The following MYO3A variants were observed in gnomAD, a reference collection of about 807,000 sequenced individuals.
MYO3A encodes myosin IIIA.
MYO3A carries 180 observed loss-of-function variants against 192.7 expected under a neutral mutation model. That is an observed-to-expected ratio of 0.93 (90% CI 0.83 to 1.06). The LOEUF (loss-of-function observed/expected upper bound fraction) is 1.06, where lower values mean the gene tolerates loss of function less well. Ranked by LOEUF, MYO3A falls within the 50% of genes least tolerant of loss-of-function variation. The pLI, the probability that MYO3A is intolerant of heterozygous loss-of-function variation, is 0.00. For synonymous variants in MYO3A, 628 were observed against 645.3 expected, an observed-to-expected ratio of 0.97 and a Z score of 0.41; for missense variants, 1,896 against 1,905.0, an observed-to-expected ratio of 1.00 and a Z score of 0.09.
At chr10:25,938,973 G>A (rs568910771) in intron 2 of MYO3A, among the ~76,000 whole-genome samples, 1 of 152,198 alleles carries the variant, frequency 6.6e-6, no homozygotes, top group South Asian at 2.1e-4. Flanking sequence ...TACAGAACTT[G>A]GAGAGAATGA....
chr10:26,074,256 T>C (rs1456442672), intron 14 of MYO3A, among the ~76,000 whole-genome samples: 1 of 152,162 alleles, frequency 6.6e-6, no homozygotes, highest in Non-Finnish European at 1.5e-5. Context: ...AGAGTGAGGC[T>C]GCATAGTTCA....
At chr10:26,158,315 C>T (rs968189220) in intron 26 of MYO3A, among the ~76,000 whole-genome samples, 5 of 150,982 alleles carry the variant, frequency 3.3e-5, no homozygotes, top group South Asian at 2.1e-4. Flanking sequence ...TGCAGTGGCG[C>T]GATCTCAGCT....
chr10:25,943,749 CATTA>C (rs1241993468), intron 2 of MYO3A, among the ~76,000 whole-genome samples: 5 of 141,658 alleles, frequency 3.5e-5, no homozygotes, highest in Non-Finnish European at 7.7e-5. Flanking sequence ...TTGCTGAATT[CATTA>C]ATTAGTTCTA....
intron 8 of MYO3A, chr10:26,023,540 C>T (rs575187787): frequency 7.6e-5 from 12 of 157,208 alleles, no homozygotes; most frequent in Admixed American, 6.8e-4. Context: ...TAACATGTTT[C>T]CTGCCGTGTG....
rs562207775 is a variant in MYO3A, at chr10:26,142,976, T to A, written c.2263-472T>A. ...TTATTACTACCCTGAGTATAATCAG[T>A]TCAGACTTTAAGGAACAAGCAGCAA... is the stretch of plus-strand genomic sequence containing the variant. On this transcript the variant is annotated intron_variant, in intron 20 of 34. Transcript: ENST00000642920. Among the ~76,000 whole-genome samples, 6 of 152,210 alleles carry A rather than the reference T, an allele frequency of 3.9e-5. No homozygotes were observed. The South Asian group carries it at 1.2e-3, about 32-fold the overall frequency.
In MYO3A at chr10:26,070,432, G is replaced by A. The variant is rs146988181; in HGVS notation, c.1359+31G>A. ...ATTTATTTTTTTCTCTGTCCCATCA[G>A]AAATATTTGTTGAATTTCATAACTT... On this transcript the variant is annotated intron_variant, in intron 14 of 34. Transcript: ENST00000642920. The A allele has an allele frequency of 7.0e-6, 11 of 1,561,982 alleles. No individual in the cohort carries two copies. In the East Asian group the frequency reaches 2.5e-4, roughly 35 times the overall value.
intron 14 of MYO3A, among the ~76,000 whole-genome samples, chr10:26,079,321 G>C (rs975471996): frequency 7.2e-5 from 11 of 152,070 alleles, no homozygotes; most frequent in African/African-American, 2.7e-4. Flanking sequence ...AGCTACCCCT[G>C]CTTGCTTTTG....
At chr10:26,202,722 A>G (rs969774487) in intron 33 of MYO3A, 5 of 442,568 alleles carry the variant, frequency 1.1e-5, no homozygotes, top group Admixed American at 7.2e-5. Flanking sequence ...GTTCAGTGCA[A>G]TAGAACCAGG....
At position 26,157,254 on chromosome 10, in the gene MYO3A, A is replaced by G. The variant is rs1841192000; in HGVS notation, c.2794-56A>G. ...CTTGTAGTAAAAAGAAAGGCCTACAAGCTCATACGTTTTTGTATGCTACAT... is the reference window on the plus strand; with the variant it reads ...CTTGTAGTAAAAAGAAAGGCCTACAGGCTCATACGTTTTTGTATGCTACAT... On this transcript the variant is annotated intron_variant, in intron 25 of 34. Coordinates refer to ENST00000642920, the MANE Select transcript of MYO3A (RefSeq NM_017433.5). 12 of 1,509,314 alleles carry G rather than the reference A, an allele frequency of 8.0e-6. 1 individual carries two copies. In the South Asian group the frequency reaches 1.4e-4, roughly 17 times the overall value. 93.5% of individuals were successfully genotyped at this position (1,509,314 alleles called of 1,614,324 possible).
At chr10:26,111,743 GTAGA>G (rs1458534425) in intron 17 of MYO3A, among the ~76,000 whole-genome samples, 1 of 152,186 alleles carries the variant, frequency 6.6e-6, no homozygotes, top group African/African-American at 2.4e-5. Context: ...GTTGCTAGTG[GTAGA>G]TGCTCCTTGT....
In MYO3A at chr10:26,125,546, A is replaced by G; in HGVS notation, c.2052A>G (p.Gly684=). 6.2e-7 allele frequency: 1 copy of G among 1,614,072 alleles called. No individual in the cohort carries two copies. The highest frequency in any genetic ancestry group is 2.2e-5 in the East Asian group (1 of 44,872). The change falls in exon 19 of 35, where the codon GGA becomes GGG. Residue 684 remains glycine, a synonymous_variant. Coordinates refer to ENST00000642920, the MANE Select transcript of MYO3A (RefSeq NM_017433.5). ...VRDAMAKTLY[G]RLFSWIVNCI... is the part of the protein sequence containing the mutation. The stretch of plus-strand genomic sequence containing the variant: ...ATGCCATGGCTAAAACTTTATATGG[A>G]CGTCTCTTTAGTTGGATAGTCAATT...
chr10:26,176,976 A>G (rs1459926967), intron 31 of MYO3A, 131 bp downstream of exon 31: 2 of 1,046,334 alleles, frequency 1.9e-6, no homozygotes, highest in Admixed American at 2.1e-5. Context: ...CCTTTATTTC[A>G]TTTCTTATAT....
At chr10:26,070,089 A>G (rs369229605) in intron 12 of MYO3A, 22 bp from the exon 13 acceptor site, 17 of 1,536,708 alleles carry the variant, frequency 1.1e-5, no homozygotes, top group Middle Eastern at 1.8e-4. Flanking sequence ...GCCCTACAAA[A>G]TGTATTCTTT....
At chr10:25,965,069 C>G (rs111388737) in intron 4 of MYO3A, among the ~76,000 whole-genome samples, 6,571 of 152,174 alleles carry the variant, frequency 0.043, 184 homozygotes, top group Middle Eastern at 0.068. Flanking sequence ...TTATTAAATG[C>G]CTTGAGGTAG....
At chr10:26,126,158 TG>T (rs954633928) in intron 19 of MYO3A, among the ~76,000 whole-genome samples, 1 of 152,214 alleles carries the variant, frequency 6.6e-6, no homozygotes, top group Non-Finnish European at 1.5e-5. Flanking sequence ...GTTATCTGAC[TG>T]TAAGTCTAGA....
intron 15 of MYO3A, among the ~76,000 whole-genome samples, chr10:26,092,201 C>T (rs926657432): frequency 2.6e-5 from 4 of 152,216 alleles, no homozygotes; most frequent in Non-Finnish European, 5.9e-5. Flanking sequence ...GGTGCGGTGG[C>T]TCACGCCTGT....
chr10:26,105,766 T>A (rs1837759813), intron 17 of MYO3A, among the ~76,000 whole-genome samples: 1 of 152,032 alleles, frequency 6.6e-6, no homozygotes, highest in Non-Finnish European at 1.5e-5. Context: ...AGTTAAAAAG[T>A]TTTCCCCTAA....
At chr10:26,025,097 A>G (rs1194356756) in intron 9 of MYO3A, among the ~76,000 whole-genome samples, 1 of 152,188 alleles carries the variant, frequency 6.6e-6, no homozygotes, top group African/African-American at 2.4e-5. Context: ...ACATAGATAC[A>G]ATTACTACAG....
intron 2 of MYO3A, among the ~76,000 whole-genome samples, chr10:25,943,617 A>G (rs1221245893): frequency 6.6e-6 from 1 of 152,020 alleles, no homozygotes; most frequent in Non-Finnish European, 1.5e-5. Context: ...ATTTCTAAGT[A>G]TTTTATTCTT....
Sources: gnomAD v4.1 joint callset for allele counts (sites outside exome capture counted in the v4.1 genomes callset) on GRCh38, gnomAD v4.1.1 for gene constraint, MANE v1.5 for transcripts, NCBI Gene and HGNC (gene_info 2026-07-23, HGNC 2026-07-21) for gene names.